The following TAX1BP1 variants were observed in gnomAD, a reference collection of about 807,000 sequenced individuals.
TAX1BP1 encodes the protein Tax1 binding protein 1.
A neutral mutation model predicts 97.7 loss-of-function variants in TAX1BP1; 62 were observed. The observed-to-expected ratio is 0.63, with a 90% CI of 0.52 to 0.78. The LOEUF is 0.78. TAX1BP1 is among the 30% of genes least tolerant of loss of function. The pLI, the probability that TAX1BP1 is intolerant of heterozygous loss-of-function variation, is 0.00. For synonymous variants in TAX1BP1, 340 were observed against 304.2 expected, an observed-to-expected ratio of 1.12 and a Z score of -1.23; for missense variants, 867 against 916.1, an observed-to-expected ratio of 0.95 and a Z score of 0.69.
chr7:27,804,755 C>T (rs908948821), intron 13 of TAX1BP1, among the ~76,000 whole-genome samples: 4 of 152,192 alleles, frequency 2.6e-5, no homozygotes, highest in Non-Finnish European at 5.9e-5. Context: ...TGGAACATTT[C>T]AGATTTTGGA....
In TAX1BP1 at chr7:27,828,654, T is replaced by C. The variant is rs1782565023; in HGVS notation, c.2195T>C (p.Leu732Pro). The C allele has an allele frequency of 6.2e-7, 1 of 1,614,052 alleles. No homozygotes were observed. Among genetic ancestry groups the C allele is most frequent in the Non-Finnish European group, 8.5e-7 (1 of 1,179,952 alleles). Residue 732 changes from leucine (L) to proline (P), a missense_variant, in exon 17 of 17, where the codon CTC becomes CCC. Leu to Pro is a moderately conservative substitution (Grantham distance 98, BLOSUM62 -3). Transcript: ENST00000396319. ...SSFDVHKKCP[L>P]CELMFPPNYD... ...TTTGATGTTCACAAGAAGTGTCCCCTCTGTGAGTTAATGTTTCCTCCTAAC... is the reference window on the plus strand; with the variant it reads ...TTTGATGTTCACAAGAAGTGTCCCCCCTGTGAGTTAATGTTTCCTCCTAAC...
rs1787915891 is a variant in TAX1BP1, at chr7:27,748,669, T to A, written c.145T>A (p.Trp49Arg). 6.4e-7 allele frequency: 1 copy of A among 1,550,618 alleles called. No homozygotes were observed. Among genetic ancestry groups the A allele is most frequent in the Non-Finnish European group, 8.7e-7 (1 of 1,143,498 alleles). Residue 49 changes from tryptophan (W) to arginine (R), a missense_variant, in exon 2 of 17, where the codon TGG becomes AGG. Coordinates refer to ENST00000396319, the MANE Select transcript of TAX1BP1 (RefSeq NM_006024.7). ...TPYIHPHPKD[W>R]VGIFKVGWST... ...ATATATTCATCCACATCCAAAAGAT[T>A]GGGTTGGTATATTCAAGGTAAGAAA...
At chr7:27,750,394 C>A (rs1787978212) in intron 2 of TAX1BP1, among the ~76,000 whole-genome samples, 2 of 152,186 alleles carry the variant, frequency 1.3e-5, no homozygotes, top group Admixed American at 1.3e-4. Context: ...AATGCAAATA[C>A]TCCAAAATCT....
intron 10 of TAX1BP1, 31 bp from the exon 11 acceptor site, chr7:27,794,279 CTAATTCATTGACT>C: frequency 6.6e-7 from 1 of 1,509,142 alleles, no homozygotes; most frequent in Non-Finnish European, 9.1e-7. Context: ...GGAAATATAA[CTAATTCATTGACT>C]CATTTAACAA....
At position 27,829,388 on chromosome 7, in the gene TAX1BP1, G is replaced by C. The variant is rs959883866; in HGVS notation, c.*559G>C. 1 of 152,160 alleles carries C rather than the reference G, an allele frequency of 6.6e-6. No homozygotes were observed. The highest frequency in any genetic ancestry group is 2.4e-5 in the African/African-American group (1 of 41,448). The allele number at this position is 152,160 out of a possible 1,614,324, so 9.4% of individuals were successfully genotyped here. A position where few individuals can be genotyped will look rare whatever the true frequency, so the allele number is the denominator to read the frequency against. On this transcript the variant is annotated 3_prime_UTR_variant, in exon 17 of 17. Coordinates refer to ENST00000396319, the MANE Select transcript of TAX1BP1 (RefSeq NM_006024.7). ...CACATGCTTTTATATGTGAAATATT[G>C]GTTTTAGCAATTAACAGAAGGCATA...
intron 7 of TAX1BP1, 44 bp downstream of exon 7, chr7:27,785,533 A>G (rs1412969942): frequency 6.6e-7 from 1 of 1,522,680 alleles, no homozygotes; most frequent in South Asian, 1.2e-5. Flanking sequence ...GCTTCAAAAG[A>G]AATGACCCCA....
At position 27,750,882 on chromosome 7, in the gene TAX1BP1, A is replaced by T. The variant is rs111997283; in HGVS notation, c.162+2196A>T. Among the ~76,000 whole-genome samples, 936 of 152,306 alleles carry T rather than the reference A, an allele frequency of 6.1e-3. 7 individuals carry two copies. Among genetic ancestry groups the T allele is most frequent in the African/African-American group, 0.018 (753 of 41,570 alleles). ...CCATATTTTTTACCAAGACTATTGCAATAGGTCAGCTGTTTTACCCACTTT... is the reference window on the plus strand; with the variant it reads ...CCATATTTTTTACCAAGACTATTGCTATAGGTCAGCTGTTTTACCCACTTT... On this transcript the variant is annotated intron_variant, in intron 2 of 16. Transcript: ENST00000396319.
chr7:27,748,882 G>A (rs1045169846), intron 2 of TAX1BP1, among the ~76,000 whole-genome samples, 196 bp downstream of exon 2: 1 of 152,106 alleles, frequency 6.6e-6, no homozygotes, highest in Non-Finnish European at 1.5e-5. Context: ...TCCTCTCCCT[G>A]ATCAGAAAGT....
chr7:27,750,948 T>A (rs1787997518), intron 2 of TAX1BP1, among the ~76,000 whole-genome samples: 1 of 152,204 alleles, frequency 6.6e-6, no homozygotes, highest in South Asian at 2.1e-4. Context: ...CTGCTCTATA[T>A]AAGCTGTAAA....
At chr7:27,809,548 G>C (rs1366760486) in intron 13 of TAX1BP1, among the ~76,000 whole-genome samples, 1 of 152,170 alleles carries the variant, frequency 6.6e-6, no homozygotes, top group East Asian at 1.9e-4. Flanking sequence ...TTGGAGGGGA[G>C]AGTTCAGTCT....
chr7:27,756,433 A>G (rs753624469), intron 2 of TAX1BP1, among the ~76,000 whole-genome samples: 10 of 152,110 alleles, frequency 6.6e-5, no homozygotes, highest in Admixed American at 1.3e-4. Context: ...CTTGCCCCCA[A>G]CTTCTTGGTA....
intron 4 of TAX1BP1, 89 bp from the exon 5 acceptor site, chr7:27,769,586 TA>T (rs376964887): frequency 1.4e-4 from 152 of 1,099,762 alleles, no homozygotes; most frequent in African/African-American, 7.8e-4. Flanking sequence ...ATGTCTTCAT[TA>T]TTTTTTTTGG....
intron 1 of TAX1BP1, among the ~76,000 whole-genome samples, chr7:27,744,988 T>C (rs1336089737): frequency 6.6e-6 from 1 of 152,260 alleles, no homozygotes; most frequent in Admixed American, 6.5e-5. Context: ...AAGAGGGCAC[T>C]GTAGCCAGCA....
chr7:27,750,083 A>C (rs1214741512), intron 2 of TAX1BP1, among the ~76,000 whole-genome samples: 1 of 152,090 alleles, frequency 6.6e-6, no homozygotes, highest in Non-Finnish European at 1.5e-5. Flanking sequence ...GAGCCACCGC[A>C]CCTGGCCTCA....
At chr7:27,755,138 CAGA>C (rs982827953) in intron 2 of TAX1BP1, among the ~76,000 whole-genome samples, 2 of 152,124 alleles carry the variant, frequency 1.3e-5, no homozygotes, top group Admixed American at 6.5e-5. Context: ...ACATTGTATA[CAGA>C]AGAAGGAAAA....
intron 16 of TAX1BP1, among the ~76,000 whole-genome samples, chr7:27,828,049 A>G (rs1791253448): frequency 6.6e-6 from 1 of 152,250 alleles, no homozygotes; most frequent in Admixed American, 6.5e-5. Flanking sequence ...TACTGTTCCT[A>G]AAATGTCATT....
At chr7:27,821,993 C>A (rs1018987226) in intron 15 of TAX1BP1, among the ~76,000 whole-genome samples, 1 of 152,146 alleles carries the variant, frequency 6.6e-6, no homozygotes, top group African/African-American at 2.4e-5. Context: ...TAGCATGCAT[C>A]CATGTTTAAC....
Position 27,816,874 on chromosome 7 carries a change from A to T in TAX1BP1, c.1937-16A>T, listed in dbSNP as rs1562742959. ...GTAACCAGTTTCACTCTACCTTTCCAAAAATTTTATTACAGATGGAGCAGA... is the reference window on the plus strand; with the variant it reads ...GTAACCAGTTTCACTCTACCTTTCCTAAAATTTTATTACAGATGGAGCAGA... On this transcript the variant is annotated splice_polypyrimidine_tract_variant and intron_variant, in intron 14 of 16. Coordinates refer to ENST00000396319, the MANE Select transcript of TAX1BP1 (RefSeq NM_006024.7). The T allele has an allele frequency of 3.7e-6, 6 of 1,613,220 alleles. No individual in the cohort carries two copies. Among genetic ancestry groups the T allele is most frequent in the Non-Finnish European group, 4.2e-6 (5 of 1,179,810 alleles).
intron 9 of TAX1BP1, among the ~76,000 whole-genome samples, chr7:27,792,778 A>T (rs1386567608): frequency 1.3e-5 from 2 of 152,058 alleles, no homozygotes; most frequent in African/African-American, 4.8e-5. Context: ...CCCGGGCAAC[A>T]TAGTGAGACC....
Sources: allele counts gnomAD v4.1 joint callset (sites outside exome capture counted in the v4.1 genomes callset), GRCh38; gene constraint gnomAD v4.1.1; transcripts MANE v1.5; gene names NCBI Gene and HGNC (gene_info 2026-07-23, HGNC 2026-07-21).